Variants in TNFSF11 observed in about 807,000 individuals in gnomAD.
The protein encoded by TNFSF11 is tumor necrosis factor ligand superfamily member 11.
Under a neutral mutation model 32.2 loss-of-function variants are expected in TNFSF11, and 12 were observed. The observed-to-expected ratio is 0.37, with a 90% CI of 0.24 to 0.60. The LOEUF is 0.60. Among genes scored for constraint, TNFSF11 ranks in the 20% least tolerant of loss-of-function variants. The probability of loss-of-function intolerance (pLI) is 0.66; values close to 1 mark genes in which losing one functional copy is unlikely to be tolerated. For missense variants in TNFSF11, 345 were observed against 398.0 expected (o/e 0.87, Z 1.13); for synonymous variants, 172 against 152.1 (o/e 1.13, Z -0.96).
intron 2 of TNFSF11, among the ~76,000 whole-genome samples, chr13:42,594,369 C>T (rs960372027): frequency 2.0e-5 from 3 of 151,650 alleles, no homozygotes; most frequent in Non-Finnish European, 4.4e-5. Context: ...AGGTGTGAGC[C>T]ACTGCACCAG....
At chr13:42,589,666 T>C (rs1186852746) in intron 2 of TNFSF11, among the ~76,000 whole-genome samples, 1 of 152,156 alleles carries the variant, frequency 6.6e-6, no homozygotes, top group Non-Finnish European at 1.5e-5. Context: ...CACCACAGTA[T>C]GGTGCTGAAC....
Position 42,574,455 on chromosome 13 carries a change from C to T in TNFSF11, c.152C>T (p.Ala51Val). The change falls in exon 1 of 5, where the codon GCC (alanine) becomes GTC (valine). Residue 51 changes from alanine (A) to valine (V), a missense_variant. Physicochemically the swap from Ala to Val is moderately conservative, Grantham distance 64. Coordinates refer to ENST00000398795, the MANE Select transcript of TNFSF11 (RefSeq NM_003701.4). ...GCCGCCTCCCGCTCCATGTTCGTGGCCCTCCTGGGGCTGGGGCTGGGCCAG... is the reference window on the plus strand; with the variant it reads ...GCCGCCTCCCGCTCCATGTTCGTGGTCCTCCTGGGGCTGGGGCTGGGCCAG... ...PPAASRSMFVALLGLGLGQVV... is the reference protein window; with the variant it reads ...PPAASRSMFVVLLGLGLGQVV... 1.2e-6 allele frequency: 2 copies of T among 1,608,472 alleles called. No homozygotes were observed. Among genetic ancestry groups the T allele is most frequent in the African/African-American group, 1.3e-5 (1 of 75,000 alleles).
intron 2 of TNFSF11, among the ~76,000 whole-genome samples, chr13:42,582,414 T>C (rs1039058020): frequency 6.6e-6 from 1 of 152,226 alleles, no homozygotes; most frequent in Non-Finnish European, 1.5e-5. Context: ...TGCTGTATTT[T>C]ATCGAATCTA....
chr13:42,574,283 G>C lies in TNFSF11; in HGVS notation c.-21G>C, dbSNP rs201894827. 1.3e-6 allele frequency: 2 copies of C among 1,546,022 alleles called. No homozygotes were observed. Among genetic ancestry groups the C allele is most frequent in the East Asian group, 2.4e-5 (1 of 40,858 alleles). Reference sequence around the variant, plus strand: ...GGAGCGGGAGAGGGAGGAGAGCTCCGAAGCGAGAGGGCCGAGCGCCATGCG... The same window carrying C: ...GGAGCGGGAGAGGGAGGAGAGCTCCCAAGCGAGAGGGCCGAGCGCCATGCG... On this transcript the variant is annotated 5_prime_UTR_variant, in exon 1 of 5. Coordinates refer to ENST00000398795, the MANE Select transcript of TNFSF11 (RefSeq NM_003701.4).
chr13:42,606,934 G>A lies in TNFSF11; in HGVS notation c.*16G>A, dbSNP rs779738872. On this transcript the variant is annotated 3_prime_UTR_variant, in exon 5 of 5. Coordinates refer to ENST00000398795, the MANE Select transcript of TNFSF11 (RefSeq NM_003701.4). ...TATAGATTGAGCCCCAGTTTTTGGA[G>A]TGTTATGTATTTCCTGGATGTTTGG... 4.3e-6 allele frequency: 7 copies of A among 1,614,052 alleles called. No individual in the cohort carries two copies. The South Asian group carries it at 4.4e-5, about 10-fold the overall frequency.
chr13:42,564,082 T>G (rs1872782103), intron 1 of TNFSF11, among the ~76,000 whole-genome samples: 1 of 152,212 alleles, frequency 6.6e-6, no homozygotes. Flanking sequence ...TTCACTATTT[T>G]TTTTATTATC....
At chr13:42,572,429 TAAGAAAG>T (rs1244120712), upstream of TNFSF11, among the ~76,000 whole-genome samples, 1 of 152,114 alleles carries the variant, frequency 6.6e-6, no homozygotes, top group Non-Finnish European at 1.5e-5. Context: ...TCAATATTTA[TAAGAAAG>T]AAGAAATATG....
intron 1 of TNFSF11, among the ~76,000 whole-genome samples, chr13:42,579,018 C>G (rs1301215776): frequency 6.6e-6 from 1 of 152,070 alleles, no homozygotes; most frequent in Non-Finnish European, 1.5e-5. Flanking sequence ...AGGCAGTATG[C>G]CAAAGTAAAG....
rs189734873 is a variant in TNFSF11, at chr13:42,564,837, G to T, written c.-301-1784G>T. Among the ~76,000 whole-genome samples, 1,331 of 152,302 alleles carry T rather than the reference G, an allele frequency of 8.7e-3. 8 individuals are homozygous for T. The highest frequency in any genetic ancestry group is 0.015 in the Non-Finnish European group (1,032 of 68,030). On this transcript the variant is annotated intron_variant, in intron 1 of 6. Transcript: ENST00000358545. Reference sequence around the variant, plus strand: ...GTGCAACTCTTGTTTCAAATATCTTGAAGGAAATATTTTTTGTGTTCTTAT... The same window carrying T: ...GTGCAACTCTTGTTTCAAATATCTTTAAGGAAATATTTTTTGTGTTCTTAT...
At chr13:42,570,135 A>G (rs1264927905), upstream of TNFSF11, among the ~76,000 whole-genome samples, 1 of 152,214 alleles carries the variant, frequency 6.6e-6, no homozygotes, top group Non-Finnish European at 1.5e-5. Context: ...AAAATTGCTG[A>G]TCTAGCAAAT....
chr13:42,578,707 G>A (rs1873441883), intron 1 of TNFSF11, among the ~76,000 whole-genome samples: 1 of 151,768 alleles, frequency 6.6e-6, no homozygotes, highest in African/African-American at 2.4e-5. Context: ...CCTTAGGGAT[G>A]TTGATGAAAT....
In TNFSF11 at chr13:42,576,149, A is replaced by G. The variant is rs190915434; in HGVS notation, c.219+1627A>G. The stretch of plus-strand genomic sequence containing the variant: ...TAGTTCTCCACTGTTTATCTTTTCT[A>G]ACACCTTCGGGATATGGCATTTTCA... On this transcript the variant is annotated intron_variant, in intron 1 of 4. Transcript: ENST00000398795. 2.7e-4 allele frequency among the ~76,000 whole-genome samples: 41 copies of G among 152,374 alleles called. No individual in the cohort carries two copies. In the East Asian group the frequency reaches 7.1e-3, roughly 27 times the overall value.
chr13:42,596,262 C>T (rs959494112), intron 2 of TNFSF11, among the ~76,000 whole-genome samples: 1 of 152,160 alleles, frequency 6.6e-6, no homozygotes, highest in Non-Finnish European at 1.5e-5. Flanking sequence ...AAGCCATAAA[C>T]ATGGGTTGGC....
At chr13:42,585,150 A>T (rs763577139) in intron 2 of TNFSF11, among the ~76,000 whole-genome samples, 31 of 152,250 alleles carry the variant, frequency 2.0e-4, no homozygotes, top group Non-Finnish European at 7.3e-5. Context: ...TTAATGTGAC[A>T]TTCTACACAT....
intron 4 of TNFSF11, among the ~76,000 whole-genome samples, chr13:42,601,483 AG>A (rs1869171801): frequency 6.6e-6 from 1 of 152,172 alleles, no homozygotes; most frequent in Non-Finnish European, 1.5e-5. Context: ...ATTTTCTCTG[AG>A]TAAATGCTTA....
At chr13:42,598,580 C>T (rs1435319839) in intron 2 of TNFSF11, among the ~76,000 whole-genome samples, 1 of 152,134 alleles carries the variant, frequency 6.6e-6, no homozygotes, top group African/African-American at 2.4e-5. Context: ...TCCACACACT[C>T]CCACACTTCC....
intron 2 of TNFSF11, among the ~76,000 whole-genome samples, chr13:42,592,426 C>T (rs938822452): frequency 2.6e-5 from 4 of 152,198 alleles, no homozygotes; most frequent in Non-Finnish European, 5.9e-5. Context: ...TCAGGATCCA[C>T]CCAATGGAAG....
chr13:42,597,508 AAAC>A (rs1868884554), intron 2 of TNFSF11, among the ~76,000 whole-genome samples: 1 of 152,020 alleles, frequency 6.6e-6, no homozygotes, highest in African/African-American at 2.4e-5. Flanking sequence ...AGAAGAGGAC[AAAC>A]TTTCCCTGTC....
rs71202227 is a variant in TNFSF11 at position 42,583,444 on chromosome 13, G to GAAAA, written c.387+2153_387+2154insAAAA. Among the ~76,000 whole-genome samples, 724 of 95,610 alleles carry GAAAA rather than the reference G, an allele frequency of 7.6e-3. 21 individuals are homozygous for GAAAA. The highest frequency in any genetic ancestry group is 0.03 in the African/African-American group (649 of 21,528). The allele number at this position is 95,610 out of a possible 152,430, so 62.7% of individuals were successfully genotyped here. A position where few individuals can be genotyped will look rare whatever the true frequency, so the allele number is the denominator to read the frequency against. ...AAAAAAAAAAAAAAAAAAAAGAAAGGAAGAAAGGAAGGAAGGAAAAAGATT... is the reference window on the plus strand; with the variant it reads ...AAAAAAAAAAAAAAAAAAAAGAAAGGAAAAAAGAAAGGAAGGAAGGAAAAAGATT... On this transcript the variant is annotated intron_variant, in intron 2 of 4. Transcript: ENST00000398795.
Sources: allele counts gnomAD v4.1 joint callset (sites outside exome capture counted in the v4.1 genomes callset), GRCh38; gene constraint gnomAD v4.1.1; transcripts MANE v1.5; gene names NCBI Gene and HGNC (gene_info 2026-07-23, HGNC 2026-07-21).